Variants in SSPN observed in about 807,000 individuals in gnomAD.
SSPN encodes K-ras oncogene-associated protein.
In SSPN, 15 loss-of-function variants were observed where a neutral mutation model predicts 19.1. The ratio of observed to expected loss-of-function variants is 0.78; its 90% CI spans 0.52 to 1.21. The LOEUF is 1.21. SSPN is among the 50% of genes most tolerant of loss of function. SSPN has a pLI of 0.00. For missense variants in SSPN, 291 were observed against 314.0 expected (o/e 0.93, Z 0.55); for synonymous variants, 147 against 140.3 (o/e 1.05, Z -0.34).
chr12:26,140,248 C>G (rs1002172031), intron 1 of SSPN, among the ~76,000 whole-genome samples: 7 of 152,206 alleles, frequency 4.6e-5, no homozygotes, highest in Non-Finnish European at 8.8e-5. Context: ...CCCATGTAGT[C>G]TTCCTCCAGT....
chr12:26,151,122 A>T (rs1483505715), intron 1 of SSPN, among the ~76,000 whole-genome samples: 1 of 152,124 alleles, frequency 6.6e-6, no homozygotes, highest in East Asian at 1.9e-4. Context: ...TCTATATTTT[A>T]ATATTTCTAT....
At chr12:26,150,855 T>C (rs556098037) in intron 1 of SSPN, among the ~76,000 whole-genome samples, 2 of 152,312 alleles carry the variant, frequency 1.3e-5, no homozygotes, top group African/African-American at 4.8e-5. Context: ...TAATTTTGCC[T>C]CTGGGAAAGT....
chr12:26,124,495 G>A, intron 1 of SSPN: 1 of 1,608,720 alleles, frequency 6.2e-7, no homozygotes, highest in Non-Finnish European at 8.5e-7. Flanking sequence ...CAGGTTATGA[G>A]GAATATCGGG....
intron 1 of SSPN, among the ~76,000 whole-genome samples, chr12:26,162,641 T>G (rs893327507): frequency 6.6e-6 from 1 of 152,198 alleles, no homozygotes; most frequent in African/African-American, 2.4e-5. Flanking sequence ...GTAACTTTAG[T>G]GAGTAAACTT....
rs151286317 is a variant in SSPN, at chr12:26,151,900, G to A, written c.-31+29748G>A. Among the ~76,000 whole-genome samples the A allele has an allele frequency of 5.8e-3, 885 of 152,296 alleles. 3 individuals carry two copies. Among genetic ancestry groups the A allele is most frequent in the Admixed American group, 9.5e-3 (146 of 15,300 alleles). On this transcript the variant is annotated intron_variant, in intron 1 of 2. Coordinates refer to the SSPN transcript ENST00000538142. The stretch of plus-strand genomic sequence containing the variant: ...ACTAGAATTTTTCTCATCCAATGCG[G>A]TAATTTAACCATTGCTTTTGGATAA...
In SSPN at chr12:26,163,016, C is replaced by T. The variant is rs1340109429; in HGVS notation, c.-31+40864C>T. Among the ~76,000 whole-genome samples, 9 of 148,290 alleles carry T rather than the reference C, an allele frequency of 6.1e-5. No individual in the cohort carries two copies. In the South Asian group the frequency reaches 8.6e-4, roughly 14 times the overall value. ...GATTCAAACACAGTGTGCTTCAAGACGTGTGTGCTTCAAGACGTGTGTGTG... is the reference window on the plus strand; with the variant it reads ...GATTCAAACACAGTGTGCTTCAAGATGTGTGTGCTTCAAGACGTGTGTGTG... On this transcript the variant is annotated intron_variant, in intron 1 of 2. Transcript: ENST00000538142.
intron 1 of SSPN, among the ~76,000 whole-genome samples, chr12:26,211,948 C>T (rs1944991673): frequency 1.3e-5 from 2 of 152,162 alleles, no homozygotes; most frequent in South Asian, 4.1e-4. Context: ...TGGCTTGGCA[C>T]ATAAGTATTC....
At chr12:26,181,036 G>C (rs1944715625) in intron 1 of SSPN, 1 of 152,268 alleles carries the variant, frequency 6.6e-6, no homozygotes, top group Non-Finnish European at 1.5e-5. Flanking sequence ...GACAGTGTTA[G>C]AGGACAAGAA....
At chr12:26,122,841 T>C in intron 1 of SSPN, 1 of 1,577,518 alleles carries the variant, frequency 6.3e-7, no homozygotes, top group Non-Finnish European at 8.6e-7. Context: ...GGCGCTGGGC[T>C]GAGTCCGCTG....
intron 1 of SSPN, among the ~76,000 whole-genome samples, chr12:26,130,357 A>G (rs1235195809): frequency 6.6e-6 from 1 of 152,188 alleles, no homozygotes; most frequent in Non-Finnish European, 1.5e-5. Context: ...CGGTCCTTAC[A>G]TCAATTGTCA....
intron 1 of SSPN, chr12:26,124,883 GTCTC>G (rs368782597): frequency 5.3e-6 from 6 of 1,134,474 alleles, no homozygotes; most frequent in Admixed American, 1.7e-5. Flanking sequence ...TGCGTCTCCA[GTCTC>G]TCTCTCGCTC....
intron 1 of SSPN, among the ~76,000 whole-genome samples, chr12:26,218,725 G>A (rs546022099): frequency 7.9e-5 from 12 of 152,258 alleles, no homozygotes; most frequent in Non-Finnish European, 1.3e-4. Flanking sequence ...TAATTGATCC[G>A]TGTGAAATGT....
At chr12:26,187,418 T>C (rs1169333981) in intron 1 of SSPN, among the ~76,000 whole-genome samples, 1 of 152,268 alleles carries the variant, frequency 6.6e-6, no homozygotes, top group Admixed American at 6.5e-5. Flanking sequence ...AAATGTAGCT[T>C]AATGTTAGAT....
chr12:26,125,725 A>C (rs1944357807), intron 1 of SSPN: 2 of 151,364 alleles, frequency 1.3e-5, no homozygotes, highest in Non-Finnish European at 2.9e-5. Flanking sequence ...ACAGCAGCAG[A>C]TGACGACGTT....
intron 1 of SSPN, among the ~76,000 whole-genome samples, chr12:26,186,715 A>G (rs1288855538): frequency 6.6e-6 from 1 of 152,222 alleles, no homozygotes; most frequent in Non-Finnish European, 1.5e-5. Flanking sequence ...TTCACTTTTA[A>G]GAGATAGAAA....
At chr12:26,134,794 A>G (rs1944415813) in intron 1 of SSPN, among the ~76,000 whole-genome samples, 1 of 150,660 alleles carries the variant, frequency 6.6e-6, no homozygotes, top group Non-Finnish European at 1.5e-5. Context: ...AGAGTACTGC[A>G]TATTTACTTC....
intron 1 of SSPN, chr12:26,122,460 C>A: frequency 7.4e-7 from 1 of 1,353,000 alleles, no homozygotes; most frequent in South Asian, 1.6e-5. Flanking sequence ...CGAGAGGAAG[C>A]AGAAGGGCAG....
At chr12:26,216,225 C>T (rs1945047628) in intron 1 of SSPN, among the ~76,000 whole-genome samples, 1 of 152,190 alleles carries the variant, frequency 6.6e-6, no homozygotes, top group Non-Finnish European at 1.5e-5. Flanking sequence ...GCATTTAGAA[C>T]ACTGGGCTTA....
At chr12:26,188,249 A>G (rs533202600) in intron 1 of SSPN, among the ~76,000 whole-genome samples, 2 of 152,330 alleles carry the variant, frequency 1.3e-5, no homozygotes, top group South Asian at 2.1e-4. Context: ...TAACCACATA[A>G]AAATGAAAGA....
Sources: gnomAD v4.1 joint callset for allele counts (sites outside exome capture counted in the v4.1 genomes callset) on GRCh38, gnomAD v4.1.1 for gene constraint, MANE v1.5 for transcripts, NCBI Gene and HGNC (gene_info 2026-07-23, HGNC 2026-07-21) for gene names.